Variants in HERPUD2 observed in about 807,000 individuals in gnomAD.
The protein encoded by HERPUD2 is homocysteine-responsive endoplasmic reticulum-resident ubiquitin-like domain member 2 protein.
A neutral mutation model predicts 49.9 loss-of-function variants in HERPUD2; 13 were observed. The ratio of observed to expected loss-of-function variants is 0.26; its 90% confidence interval spans 0.17 to 0.41. The LOEUF is 0.41. HERPUD2 is among the 10% of genes least tolerant of loss of function. The probability of loss-of-function intolerance (pLI) is 1.00; values close to 1 mark genes in which losing one functional copy is unlikely to be tolerated. For synonymous variants in HERPUD2, 172 were observed against 171.4 expected (o/e 1.00, Z -0.03); for missense variants, 449 against 492.2 (o/e 0.91, Z 0.83).
intron 2 of HERPUD2, among the ~76,000 whole-genome samples, chr7:35,686,734 A>AAG (rs1299264399): frequency 9.7e-6 from 1 of 102,974 alleles, no homozygotes; most frequent in Non-Finnish European, 1.8e-5. Flanking sequence ...AAAAAAAAAA[A>AAG]AAAAAAAAAA....
At chr7:35,655,993 T>A (rs1785267367) in intron 5 of HERPUD2, among the ~76,000 whole-genome samples, 1 of 151,980 alleles carries the variant, frequency 6.6e-6, no homozygotes, top group African/African-American at 2.4e-5. Flanking sequence ...AAACTCTGCC[T>A]CTACTAAAAA....
chr7:35,663,892 C>T (rs1181905649), intron 5 of HERPUD2, among the ~76,000 whole-genome samples: 1 of 152,148 alleles, frequency 6.6e-6, no homozygotes, highest in Non-Finnish European at 1.5e-5. Context: ...AGCCCATTTA[C>T]ATTTAAGGTT....
At chr7:35,638,612 G>A (rs912949896) in intron 5 of HERPUD2, 140 bp from the exon 6 acceptor site, 8 of 818,996 alleles carry the variant, frequency 9.8e-6, no homozygotes, top group Admixed American at 3.0e-5. Context: ...TACTTTCAAC[G>A]ATTCTTCAAA....
At chr7:35,682,714 G>A (rs1173709351) in intron 2 of HERPUD2, among the ~76,000 whole-genome samples, 1 of 151,218 alleles carries the variant, frequency 6.6e-6, no homozygotes, top group African/African-American at 2.4e-5. Context: ...AAAGAATTCA[G>A]CAAAATTTCC....
At chr7:35,658,557 GATC>G (rs1785333556) in intron 5 of HERPUD2, among the ~76,000 whole-genome samples, 1 of 152,118 alleles carries the variant, frequency 6.6e-6, no homozygotes, top group Non-Finnish European at 1.5e-5. Context: ...CATGTGTAAT[GATC>G]ATCACATGAA....
intron 6 of HERPUD2, among the ~76,000 whole-genome samples, chr7:35,637,186 GATAGATAGATAGATAGA>G (rs1784886275): frequency 6.6e-6 from 1 of 151,084 alleles, no homozygotes; most frequent in African/African-American, 2.5e-5. Flanking sequence ...TAGATAGATA[GATAGATAGATAGATAGA>G]TAAAAGAAAT....
chr7:35,670,757 T>C (rs1021900308), intron 3 of HERPUD2, among the ~76,000 whole-genome samples: 1 of 152,110 alleles, frequency 6.6e-6, no homozygotes, highest in Non-Finnish European at 1.5e-5. Context: ...GCCTTAATTT[T>C]AGCAAGGTGA....
At chr7:35,689,987 T>G (rs924163201) in intron 2 of HERPUD2, among the ~76,000 whole-genome samples, 7 of 152,162 alleles carry the variant, frequency 4.6e-5, no homozygotes, top group African/African-American at 1.7e-4. Flanking sequence ...TTTTTAAAAT[T>G]TTTCTCTAGG....
At chr7:35,670,791 CA>C (rs1785626914) in intron 3 of HERPUD2, among the ~76,000 whole-genome samples, 2 of 151,990 alleles carry the variant, frequency 1.3e-5, no homozygotes, top group African/African-American at 4.8e-5. Flanking sequence ...TTTTTTCAGT[CA>C]AAAACTATTT....
intron 2 of HERPUD2, among the ~76,000 whole-genome samples, chr7:35,680,045 A>G (rs141176859): frequency 2.0e-5 from 3 of 152,290 alleles, no homozygotes; most frequent in Non-Finnish European, 4.4e-5. Flanking sequence ...CTGCCTGGGC[A>G]TCTGCAATAG....
At chr7:35,643,629 C>A (rs1785002950) in intron 5 of HERPUD2, among the ~76,000 whole-genome samples, 1 of 151,242 alleles carries the variant, frequency 6.6e-6, no homozygotes, top group Non-Finnish European at 1.5e-5. Flanking sequence ...CACACACACA[C>A]TTTCATGAAT....
Position 35,673,235 on chromosome 7 carries a change from G to A in HERPUD2, c.191C>T (p.Pro64Leu). ...QRLVYSGRLL[P>L]DHLQLKDILR... ...AATGTCTTTCAGCTGCAGATGATCG[G>A]GAAGCAGTCTGCCCGAATACACCAA... Residue 64 changes from proline to leucine, a missense_variant, in exon 3 of 9, where the codon CCC becomes CTC. Transcript: ENST00000311350. 6.2e-7 allele frequency: 1 copy of A among 1,611,852 alleles called. No homozygotes were observed. Among genetic ancestry groups the A allele is most frequent in the Non-Finnish European group, 8.5e-7 (1 of 1,178,908 alleles).
At position 35,633,696 on chromosome 7, in the gene HERPUD2, G is replaced by A. The variant is rs2115810278; in HGVS notation, c.1215C>T (p.Ala405=). 6.2e-7 allele frequency: 1 copy of A among 1,612,534 alleles called. No homozygotes were observed. The highest frequency in any genetic ancestry group is 8.5e-7 in the Non-Finnish European group (1 of 1,179,344). The part of the protein sequence containing the change: ...SLIPEGPPQV[A]N ...GCTGGCACAGTTTTTCAGGTCAATTGGCAACCTGGGGAGGCCCCTCTGGTA... is the reference window on the plus strand; with the variant it reads ...GCTGGCACAGTTTTTCAGGTCAATTAGCAACCTGGGGAGGCCCCTCTGGTA... The change falls in exon 9 of 9, where the codon GCC becomes GCT. Residue 405 remains alanine, a synonymous_variant. Coordinates refer to ENST00000311350, the MANE Select transcript of HERPUD2 (RefSeq NM_022373.5).
intron 2 of HERPUD2, among the ~76,000 whole-genome samples, chr7:35,682,946 C>A (rs1438425720): frequency 6.6e-6 from 1 of 151,950 alleles, no homozygotes; most frequent in Non-Finnish European, 1.5e-5. Context: ...AGAAACACAC[C>A]CCATGCTCAT....
At position 35,643,452 on chromosome 7, in the gene HERPUD2, G is replaced by A. The variant is rs543202310; in HGVS notation, c.495-4980C>T. On this transcript the variant is annotated intron_variant, in intron 5 of 8. Transcript: ENST00000311350. ...TTATGCACTGAATGAATTAGTATGCGGCTATAAAAAGGAATGAAGATCTCT... is the reference window on the plus strand; with the variant it reads ...TTATGCACTGAATGAATTAGTATGCAGCTATAAAAAGGAATGAAGATCTCT... Among the ~76,000 whole-genome samples the A allele has an allele frequency of 3.5e-4, 53 of 152,146 alleles. 1 individual carries two copies. Among genetic ancestry groups the A allele is most frequent in the African/African-American group, 1.2e-3 (50 of 41,516 alleles).
rs1237692954 is a variant in HERPUD2, at chr7:35,635,117, T to A, written c.941+18A>T. 3 of 1,593,442 alleles carry A rather than the reference T, an allele frequency of 1.9e-6. No individual in the cohort carries two copies. The highest frequency in any genetic ancestry group is 2.2e-5 in the East Asian group (1 of 44,642). ...GTTGCAGAAATTAAACCACAAAAAG[T>A]TAATGAACATCACTCACAAATAAAC... On this transcript the variant is annotated intron_variant, in intron 7 of 8. Transcript: ENST00000311350.
At chr7:35,670,415 C>T in intron 3 of HERPUD2, 87 bp from the exon 4 acceptor site, 10 of 491,596 alleles carry the variant, frequency 2.0e-5, no homozygotes, top group Non-Finnish European at 3.2e-5. Context: ...ATACCTAAAA[C>T]TTAGGTCCCT....
At chr7:35,675,119 G>C (rs540025607) in intron 2 of HERPUD2, among the ~76,000 whole-genome samples, 1 of 152,234 alleles carries the variant, frequency 6.6e-6, no homozygotes, top group Non-Finnish European at 1.5e-5. Flanking sequence ...CTCAACCTGT[G>C]GAATCTATCC....
At chr7:35,682,163 T>A (rs2116016283) in intron 2 of HERPUD2, among the ~76,000 whole-genome samples, 1 of 151,600 alleles carries the variant, frequency 6.6e-6, no homozygotes, top group East Asian at 1.9e-4. Flanking sequence ...CCCAGCCTCC[T>A]GAGTAGCTGG....
Sources: gnomAD v4.1 joint callset for allele counts (sites outside exome capture counted in the v4.1 genomes callset) on GRCh38, gnomAD v4.1.1 for gene constraint, MANE v1.5 for transcripts, NCBI Gene and HGNC (gene_info 2026-07-23, HGNC 2026-07-21) for gene names.